Variants in DDR1 observed in about 807,000 individuals in gnomAD.
The protein encoded by DDR1 is discoidin domain receptor tyrosine kinase 1.
A neutral mutation model predicts 97.4 loss-of-function variants in DDR1; 64 were observed. That is an observed-to-expected ratio of 0.66 (90% CI 0.54 to 0.81). The LOEUF is 0.81. Ranked by LOEUF, DDR1 falls within the 30% of genes least tolerant of loss-of-function variation. DDR1 has a pLI of 0.00. For synonymous variants in DDR1, 458 were observed against 503.7 expected, an observed-to-expected ratio of 0.91 and a Z score of 1.21; for missense variants, 990 against 1,259.6, an observed-to-expected ratio of 0.79 and a Z score of 3.24.
In DDR1 at chr6:30,897,152, G is replaced by A. The variant is rs1222182181; in HGVS notation, c.1997+11G>A. 1 of 1,613,398 alleles carries A rather than the reference G, an allele frequency of 6.2e-7. No homozygotes were observed. Among genetic ancestry groups the A allele is most frequent in the Admixed American group, 1.7e-5 (1 of 59,978 alleles). ...CACCAAGAATGCCAGGTGAGGACCAGGGATGGCATCTGGAAGAAGGGAGGG... is the reference window on the plus strand; with the variant it reads ...CACCAAGAATGCCAGGTGAGGACCAAGGATGGCATCTGGAAGAAGGGAGGG... On this transcript the variant is annotated intron_variant, in intron 14 of 17. Coordinates refer to ENST00000376568, the MANE Select transcript of DDR1 (RefSeq NM_001297654.2). The surrounding 1 kb of genome is among the most constrained non-coding windows in gnomAD (Gnocchi z 5.2).
chr6:30,898,194 A>G lies in DDR1; in HGVS notation c.2338A>G (p.Ile780Val), dbSNP rs762476392. The G allele has an allele frequency of 8.7e-6, 14 of 1,614,142 alleles. No individual in the cohort carries two copies. The Admixed American group carries it at 1.3e-4, about 15-fold the overall frequency. The stretch of plus-strand genomic sequence containing the variant: ...CTGCCTAGTTGGGGAAAATTTCACC[A>G]TCAAAATCGCAGACTTTGGCATGAG... ...RNCLVGENFT[I>V]KIADFGMSRN... The change falls in exon 16 of 18, where the codon ATC becomes GTC. Residue 780 changes from isoleucine to valine, a missense_variant. Ile to Val is a conservative substitution (Grantham distance 29). Coordinates refer to ENST00000376568, the MANE Select transcript of DDR1 (RefSeq NM_001297654.2).
At chr6:30,896,529 C>G in intron 12 of DDR1, 92 bp from the exon 13 acceptor site, 7 of 1,487,752 alleles carry the variant, frequency 4.7e-6, no homozygotes, top group Non-Finnish European at 5.4e-6. Flanking sequence ...CCGGGAGACA[C>G]AGGGCCCTCC....
chr6:30,896,608 C>T lies in DDR1; in HGVS notation c.1625-13C>T, dbSNP rs373096579. The T allele has an allele frequency of 3.7e-6, 6 of 1,609,320 alleles. No homozygotes were observed. In the African/African-American group the frequency reaches 8.0e-5, roughly 22 times the overall value. ...GATGCCTCGTCCTGTCTTCTTTCCC[C>T]TCACCCCTGCAGCCTACAGTGGGGA... On this transcript the variant is annotated splice_polypyrimidine_tract_variant and intron_variant, in intron 12 of 17. Coordinates refer to ENST00000376568, the MANE Select transcript of DDR1 (RefSeq NM_001297654.2).
At position 30,893,278 on chromosome 6, in the gene DDR1, A is replaced by T; in HGVS notation, c.1202A>T (p.Glu401Val). ...ACCCTGCTGCCTCCACCAGAGCTGG[A>T]GCCCAGAGGCCAGCAGCCCGTGGCC... ...PPTNFSSLEL[E>V]PRGQQPVAKA... is the part of the protein sequence containing the mutation. The change falls in exon 10 of 18, where the codon GAG (glutamate) becomes GTG (valine). Residue 401 changes from glutamate to valine, a missense_variant. Coordinates refer to ENST00000376568, the MANE Select transcript of DDR1 (RefSeq NM_001297654.2). 1 of 1,604,622 alleles carries T rather than the reference A, an allele frequency of 6.2e-7. No individual in the cohort carries two copies. Among genetic ancestry groups the T allele is most frequent in the Non-Finnish European group, 8.5e-7 (1 of 1,179,532 alleles).
Position 30,898,075 on chromosome 6 carries a change from A to G in DDR1, c.2219A>G (p.Tyr740Cys), listed in dbSNP as rs200575128. The G allele has an allele frequency of 1.9e-6, 3 of 1,612,528 alleles. No homozygotes were observed. In the East Asian group the frequency reaches 6.7e-5, roughly 36 times the overall value. Reference sequence around the variant, plus strand: ...CCTTCTGTCGGTTCCCTTCTCAGCTACCCAATGCTGCTGCATGTGGCAGCC... The same window carrying G: ...CCTTCTGTCGGTTCCCTTCTCAGCTGCCCAATGCTGCTGCATGTGGCAGCC... Reference protein sequence around the residue: ...GQAAQGPTISYPMLLHVAAQI... With the variant: ...GQAAQGPTISCPMLLHVAAQI... The change falls in exon 16 of 18, where the codon TAC becomes TGC. Residue 740 changes from tyrosine to cysteine, a missense_variant and splice_region_variant. Coordinates refer to ENST00000376568, the MANE Select transcript of DDR1 (RefSeq NM_001297654.2).
rs1472992991 is a variant in DDR1, at chr6:30,898,124, T to C, written c.2268T>C (p.Tyr756=). Residue 756 remains tyrosine (Y), a synonymous_variant, in exon 16 of 18, where the codon TAT becomes TAC. Transcript: ENST00000376568. ...VAAQIASGMR[Y]LATLNFVHRD... ...CCCAGATCGCCTCCGGCATGCGCTA[T>C]CTGGCCACACTCAACTTTGTACATC... is the stretch of plus-strand genomic sequence containing the variant. 3 of 1,614,144 alleles carry C rather than the reference T, an allele frequency of 1.9e-6. No individual in the cohort carries two copies.
At chr6:30,887,687 GC>G (rs1243140936) in intron 1 of DDR1, among the ~76,000 whole-genome samples, 1 of 152,124 alleles carries the variant, frequency 6.6e-6, no homozygotes, top group African/African-American at 2.4e-5. Context: ...TCCCCTGTGG[GC>G]ATTCACATAT....
At position 30,899,986 on chromosome 6, in the gene DDR1, G is replaced by T. The variant is rs1792358191; in HGVS notation, c.*690G>T. 1 of 588,296 alleles carries T rather than the reference G, an allele frequency of 1.7e-6. No individual in the cohort carries two copies. Among genetic ancestry groups the T allele is most frequent in the African/African-American group, 1.8e-5 (1 of 55,108 alleles). 36.4% of individuals were successfully genotyped at this position (588,296 alleles called of 1,614,324 possible). On this transcript the variant is annotated 3_prime_UTR_variant, in exon 18 of 18. Coordinates refer to ENST00000376568, the MANE Select transcript of DDR1 (RefSeq NM_001297654.2). Reference sequence around the variant, plus strand: ...GAGGGAGCAACGGCCCATAGCCTTGGGGTTGGACATCTCTAGTGTAGCTGC... The same window carrying T: ...GAGGGAGCAACGGCCCATAGCCTTGTGGTTGGACATCTCTAGTGTAGCTGC...
chr6:30,886,492 T>TC lies in DDR1; in HGVS notation c.-43+1783dup, dbSNP rs918331928. ...GCTGCTGCTTCAGAGCTCTGGGGTC[T>TC]CAGCTGCCTCTTACATTCCTGCCCT... On this transcript the variant is annotated intron_variant, in intron 1 of 17. Transcript: ENST00000376568. The surrounding 1 kb of genome is among the most constrained non-coding windows in gnomAD (Gnocchi z 4.6). 1.3e-5 allele frequency among the ~76,000 whole-genome samples: 2 copies of TC among 152,218 alleles called. No individual in the cohort carries two copies. The highest frequency in any genetic ancestry group is 2.9e-5 in the Non-Finnish European group (2 of 68,034).
In DDR1 at chr6:30,886,352, C is replaced by A. The variant is rs971956958; in HGVS notation, c.-43+1642C>A. On this transcript the variant is annotated intron_variant, in intron 1 of 17. Transcript: ENST00000376568. This position sits in a 1 kb window ranked among gnomAD's most constrained non-coding sequence, Gnocchi z 4.6. Reference sequence around the variant, plus strand: ...GAGAGCGGCACCCAGGAATTCCAAGCCAGTCTCCTGGGACTCTGGCAGCCT... The same window carrying A: ...GAGAGCGGCACCCAGGAATTCCAAGACAGTCTCCTGGGACTCTGGCAGCCT... Among the ~76,000 whole-genome samples the A allele has an allele frequency of 6.6e-6, 1 of 152,116 alleles. No homozygotes were observed. Among genetic ancestry groups the A allele is most frequent in the African/African-American group, 2.4e-5 (1 of 41,408 alleles).
In DDR1 at chr6:30,894,247, CAAAA is replaced by C. The variant is rs1261280556; in HGVS notation, c.1348-255_1348-252del. Reference sequence around the variant, plus strand: ...GGGCGACAAGAGCAAAATTCCATCTCAAAAAAACAAACAAACAAAAAAAAAACGG... The same window carrying C: ...GGGCGACAAGAGCAAAATTCCATCTCAAACAAACAAACAAAAAAAAAACGG... On this transcript the variant is annotated intron_variant, in intron 10 of 17. Coordinates refer to ENST00000376568, the MANE Select transcript of DDR1 (RefSeq NM_001297654.2). The surrounding 1 kb of genome is among the most constrained non-coding windows in gnomAD (Gnocchi z 5.7). 6.6e-6 allele frequency among the ~76,000 whole-genome samples: 1 copy of C among 150,990 alleles called. No individual in the cohort carries two copies. The highest frequency in any genetic ancestry group is 2.4e-5 in the African/African-American group (1 of 41,034).
rs1049633 is a variant in DDR1, at chr6:30,899,750, G to A, written c.*454G>A. The A allele has an allele frequency of 0.082, 28,420 of 346,006 alleles. 1,679 individuals are homozygous for A. The highest frequency in any genetic ancestry group is 0.11 in the Non-Finnish European group (21,336 of 185,834). 21.4% of individuals were successfully genotyped at this position (346,006 alleles called of 1,614,324 possible). ...CTGGCTGAGAATCTGGGGGTGAGGA[G>A]GACAAGAAGGAGAGGAAAATGTTTC... is the stretch of plus-strand genomic sequence containing the variant. On this transcript the variant is annotated 3_prime_UTR_variant, in exon 18 of 18. Coordinates refer to ENST00000376568, the MANE Select transcript of DDR1 (RefSeq NM_001297654.2).
rs2150356118 is a variant in DDR1 at position 30,892,390 on chromosome 6, A to G, written c.947A>G (p.Glu316Gly). The G allele has an allele frequency of 6.3e-7, 1 of 1,593,812 alleles. No individual in the cohort carries two copies. Among genetic ancestry groups the G allele is most frequent in the Non-Finnish European group, 8.5e-7 (1 of 1,173,112 alleles). ...RRGPAMAWEG[E>G]PMRHNLGGNL... ...GGCCCTGCCATGGCCTGGGAGGGGG[A>G]GCCCATGCGCCACAACCTAGGGGGC... is the stretch of plus-strand genomic sequence containing the variant. Residue 316 changes from glutamate to glycine, a missense_variant, in exon 8 of 18, where the codon GAG becomes GGG. Coordinates refer to ENST00000376568, the MANE Select transcript of DDR1 (RefSeq NM_001297654.2).
At chr6:30,892,898 A>C in intron 8 of DDR1, 170 bp from the exon 9 acceptor site, 1 of 647,686 alleles carries the variant, frequency 1.5e-6, no homozygotes, top group South Asian at 1.9e-5. Context: ...GTTAACACCC[A>C]CCACAGCTGG....
At position 30,899,185 on chromosome 6, in the gene DDR1, G is replaced by T. The variant is rs371228785; in HGVS notation, c.2631G>T (p.Pro877=). The stretch of plus-strand genomic sequence containing the variant: ...ACCTGTCCCGGCCGCCTGCCTGCCC[G>T]CAGGGCCTATATGAGCTGATGCTTC... ...QVYLSRPPAC[P]QGLYELMLRC... Residue 877 remains proline, a synonymous_variant, in exon 18 of 18, where the codon CCG becomes CCT. Transcript: ENST00000376568. 179 of 1,614,114 alleles carry T rather than the reference G, an allele frequency of 1.1e-4. No individual in the cohort carries two copies. The highest frequency in any genetic ancestry group is 1.5e-4 in the Non-Finnish European group (177 of 1,180,046).
chr6:30,884,469 A>G (rs1419575571), upstream of DDR1: 4 of 150,594 alleles, frequency 2.7e-5, no homozygotes, highest in South Asian at 8.4e-4. This position sits in a 1 kb window ranked among gnomAD's most constrained non-coding sequence, Gnocchi z 6.1. Context: ...GAAGGGAGGG[A>G]GCCGAGGCGA....
Position 30,898,121 on chromosome 6 carries a change from C to G in DDR1, c.2265C>G (p.Arg755=). The G allele has an allele frequency of 6.2e-7, 1 of 1,614,282 alleles. No individual in the cohort carries two copies. Among genetic ancestry groups the G allele is most frequent in the Non-Finnish European group, 8.5e-7 (1 of 1,180,054 alleles). Residue 755 remains arginine, a synonymous_variant, in exon 16 of 18, where the codon CGC becomes CGG. Coordinates refer to ENST00000376568, the MANE Select transcript of DDR1 (RefSeq NM_001297654.2). ...HVAAQIASGM[R]YLATLNFVHR... ...CAGCCCAGATCGCCTCCGGCATGCGCTATCTGGCCACACTCAACTTTGTAC... is the reference window on the plus strand; with the variant it reads ...CAGCCCAGATCGCCTCCGGCATGCGGTATCTGGCCACACTCAACTTTGTAC...
intron 1 of DDR1, chr6:30,885,780 C>T (rs1416904029): frequency 1.5e-6 from 2 of 1,291,166 alleles, no homozygotes; most frequent in African/African-American, 1.5e-5. Context: ...GTGTGCATGC[C>T]ACATTTAGCC....
In DDR1 at chr6:30,897,948, C is replaced by A; in HGVS notation, c.2217-125C>A. On this transcript the variant is annotated intron_variant, in intron 15 of 17. Transcript: ENST00000376568. This position sits in a 1 kb window ranked among gnomAD's most constrained non-coding sequence, Gnocchi z 5.2. ...GAGAGGGAAGTGACCCTTGGCCTCA[C>A]GTGGGCATTCCACCTCCACATGGGG... 1 of 710,866 alleles carries A rather than the reference C, an allele frequency of 1.4e-6. No homozygotes were observed. Among genetic ancestry groups the A allele is most frequent in the Non-Finnish European group, 2.4e-6 (1 of 414,430 alleles). 44.0% of individuals were successfully genotyped at this position (710,866 alleles called of 1,614,324 possible). A position where few individuals can be genotyped will look rare whatever the true frequency, so the allele number is the denominator to read the frequency against.
Sources: allele counts gnomAD v4.1 joint callset (sites outside exome capture counted in the v4.1 genomes callset), GRCh38; gene constraint gnomAD v4.1.1; non-coding constraint Gnocchi (gnomAD v3.1); transcripts MANE v1.5; gene names NCBI Gene and HGNC (gene_info 2026-07-23, HGNC 2026-07-21).